Variants in KIF7 observed in about 807,000 individuals in gnomAD.
The protein encoded by KIF7 is kinesin-like protein KIF7.
KIF7 carries 104 observed loss-of-function variants against 135.7 expected under a neutral mutation model. The observed-to-expected ratio is 0.77, with a 90% CI of 0.65 to 0.90. The LOEUF (loss-of-function observed/expected upper bound fraction) is 0.90, where lower values mean the gene tolerates loss of function less well. Among genes scored for constraint, KIF7 ranks in the 40% least tolerant of loss-of-function variants. The pLI is 0.00. For synonymous variants in KIF7, 883 were observed against 809.4 expected (o/e 1.09, Z -1.54); for missense variants, 2,005 against 1,839.1 (o/e 1.09, Z -1.65).
chr15:89,649,066 G>A lies in KIF7; in HGVS notation c.831C>T (p.Ser277=). The change falls in exon 4 of 19, where the codon AGC becomes AGT. Residue 277 remains serine (S), a synonymous_variant. Transcript: ENST00000394412. ...ERLKESIQIN[S]SLLALGNVIS... ...TGACGTTGCCCAGCGCCAGGAGGCTGCTGTTGATCTGGATGCTCTCCTTGA... is the reference window on the plus strand; with the variant it reads ...TGACGTTGCCCAGCGCCAGGAGGCTACTGTTGATCTGGATGCTCTCCTTGA... 3 of 1,548,010 alleles carry A rather than the reference G, an allele frequency of 1.9e-6. No individual in the cohort carries two copies. Among genetic ancestry groups the A allele is most frequent in the Non-Finnish European group, 1.7e-6 (2 of 1,146,728 alleles).
At chr15:89,626,635 C>T (rs1337873564), downstream of KIF7, among the ~76,000 whole-genome samples, 1 of 152,048 alleles carries the variant, frequency 6.6e-6, no homozygotes, top group East Asian at 1.9e-4. Flanking sequence ...CCCTCAAGAC[C>T]ATGATATAAA....
At chr15:89,641,773 C>T (rs529219762) in intron 11 of KIF7, among the ~76,000 whole-genome samples, 16 of 152,134 alleles carry the variant, frequency 1.1e-4, no homozygotes, top group Non-Finnish European at 1.8e-4. Context: ...TGTACTCCAG[C>T]CTGGGCAACA....
At chr15:89,621,632 G>A in intron 1 of KIF7, 1 of 1,238,566 alleles carries the variant, frequency 8.1e-7, no homozygotes, top group East Asian at 2.5e-5. Flanking sequence ...GTCCATTAGG[G>A]AAGAGAAAGC....
intron 5 of KIF7, 43 bp downstream of exon 5, chr15:89,648,211 TC>T: frequency 6.9e-7 from 1 of 1,448,444 alleles, no homozygotes; most frequent in Non-Finnish European, 9.1e-7. Context: ...TCTCCACCAC[TC>T]CCCACTGCCC....
the KIF7 span, among the ~76,000 whole-genome samples, chr15:89,661,346 C>G: frequency 6.6e-6 from 1 of 152,030 alleles, no homozygotes; most frequent in African/African-American, 2.4e-5. Flanking sequence ...TCAAGGCATG[C>G]AAAACTCAAT....
At chr15:89,627,180 A>G, downstream of KIF7, 2 of 1,505,442 alleles carry the variant, frequency 1.3e-6, no homozygotes, top group African/African-American at 1.4e-5. Flanking sequence ...CTCTTTTGCC[A>G]TGGTCAGTGT....
rs750002097 is a variant in KIF7, at chr15:89,628,585, G to A, written c.3866C>T (p.Ser1289Phe). Reference protein sequence around the residue: ...RSSLCGEEQGSPEELRQREAA... With the variant: ...RSSLCGEEQGFPEELRQREAA... Reference sequence around the variant, plus strand: ...CTCCCGCTGCCTCAGTTCCTCGGGGGACCCCTGCTCCTCACCACACAGGCT... The same window carrying A: ...CTCCCGCTGCCTCAGTTCCTCGGGGAACCCCTGCTCCTCACCACACAGGCT... The change falls in exon 19 of 19, where the codon TCC (serine) becomes TTC (phenylalanine). Residue 1289 changes from serine to phenylalanine, a missense_variant. Ser to Phe is a radical substitution (Grantham distance 155, BLOSUM62 -2). Coordinates refer to ENST00000394412, the MANE Select transcript of KIF7 (RefSeq NM_198525.3). 2.5e-6 allele frequency: 4 copies of A among 1,613,510 alleles called. No individual in the cohort carries two copies. In the Admixed American group the frequency reaches 5.0e-5, roughly 20 times the overall value.
chr15:89,633,260 C>A lies in KIF7; in HGVS notation c.2599G>T (p.Glu867Ter), dbSNP rs1328669185. 1 of 1,569,188 alleles carries A rather than the reference C, an allele frequency of 6.4e-7. No homozygotes were observed. The highest frequency in any genetic ancestry group is 1.2e-5 in the South Asian group (1 of 86,076). The change falls in exon 13 of 19, where the codon GAG (glutamate) becomes TAG (stop). Residue 867 changes from glutamate (E) to a stop codon, truncating the protein, a stop_gained. Coordinates refer to ENST00000394412, the MANE Select transcript of KIF7 (RefSeq NM_198525.3). LOFTEE classifies it high-confidence loss of function. Reference sequence around the variant, plus strand: ...TTCTGCTGTTGCTCATGCTTCAGCTCCAGCTCCTGGGTGAGGAGCTCAGTG... The same window carrying A: ...TTCTGCTGTTGCTCATGCTTCAGCTACAGCTCCTGGGTGAGGAGCTCAGTG... ...SKRQHRVKEL[E>*]LKHEQQQKIL...
chr15:89,659,056 C>T (rs1310014702), upstream of KIF7, among the ~76,000 whole-genome samples: 1 of 151,784 alleles, frequency 6.6e-6, no homozygotes, highest in African/African-American at 2.4e-5. Flanking sequence ...CTGCAAACCA[C>T]GAAGGGAAAG....
chr15:89,625,727 C>A, downstream of KIF7: 1 of 1,613,214 alleles, frequency 6.2e-7, no homozygotes, highest in South Asian at 1.1e-5. Context: ...AAAGAGGGGT[C>A]TCCAAGTTGG....
rs1249777535 is a variant in KIF7, at chr15:89,648,241, T to C, written c.1443+14A>G. ...ACTGCCCACAACCACAACCACAACC[T>C]GTCCCTCGGCCACCTTTCGCCCGCC... On this transcript the variant is annotated intron_variant, in intron 5 of 18. Coordinates refer to ENST00000394412, the MANE Select transcript of KIF7 (RefSeq NM_198525.3). 3.3e-6 allele frequency: 5 copies of C among 1,505,514 alleles called. No individual in the cohort carries two copies. The highest frequency in any genetic ancestry group is 1.4e-5 in the African/African-American group (1 of 71,762). 93.3% of individuals were successfully genotyped at this position (1,505,514 alleles called of 1,614,324 possible). A position where few individuals can be genotyped will look rare whatever the true frequency, so the allele number is the denominator to read the frequency against.
chr15:89,635,355 G>A (rs1421833858), intron 11 of KIF7, among the ~76,000 whole-genome samples: 1 of 152,234 alleles, frequency 6.6e-6, no homozygotes, highest in African/African-American at 2.4e-5. Context: ...GAGAGAAGAA[G>A]GCTTCAGATG....
At position 89,642,318 on chromosome 15, in the gene KIF7, C is replaced by T. The variant is rs1963938008; in HGVS notation, c.2279G>A (p.Ser760Asn). The change falls in exon 11 of 19, where the codon AGT (serine) becomes AAT (asparagine). Residue 760 changes from serine to asparagine, a missense_variant. Ser to Asn is a conservative substitution (Grantham distance 46). Transcript: ENST00000394412. ...CTCCCGCAGCTGCCTCTGGCCTTCA[C>T]TCAGCTCGGCCCGCACCTGCTCTGC... is the stretch of plus-strand genomic sequence containing the variant. The part of the protein sequence containing the change: ...QEAEQVRAEL[S>N]EGQRQLRELE... 1 of 1,611,126 alleles carries T rather than the reference C, an allele frequency of 6.2e-7. No individual in the cohort carries two copies. The highest frequency in any genetic ancestry group is 1.1e-5 in the South Asian group (1 of 90,756).
chr15:89,658,446 C>CAG (rs142155148), upstream of KIF7, among the ~76,000 whole-genome samples: 282 of 144,278 alleles, frequency 2.0e-3, 1 homozygote, highest in African/African-American at 5.9e-3. Context: ...ACCCCATCTC[C>CAG]AGAGAGAGAG....
intron 2 of KIF7, 126 bp from the exon 3 acceptor site, chr15:89,650,067 C>T (rs986193553): frequency 5.0e-6 from 5 of 991,088 alleles, no homozygotes; most frequent in Middle Eastern, 2.5e-4. Flanking sequence ...AGGCAGTGGC[C>T]GAGGCCAGGA....
intron 16 of KIF7, 104 bp from the exon 17 acceptor site, chr15:89,629,677 A>G: frequency 6.8e-7 from 1 of 1,477,824 alleles, no homozygotes; most frequent in Non-Finnish European, 9.2e-7. Context: ...CCACGGCACT[A>G]AGAAATCACC....
chr15:89,648,179 G>C, intron 5 of KIF7, 76 bp downstream of exon 5: 1 of 1,385,050 alleles, frequency 7.2e-7, no homozygotes, highest in Non-Finnish European at 9.4e-7. Context: ...CGCAGCTGCT[G>C]TCTGAAGACC....
In KIF7 at chr15:89,649,517, G is replaced by C. The variant is rs553191748; in HGVS notation, c.530-150C>G. The C allele has an allele frequency of 6.1e-5, 64 of 1,053,854 alleles. No individual in the cohort carries two copies. The East Asian group carries it at 1.6e-3, about 27-fold the overall frequency. 65.3% of individuals were successfully genotyped at this position (1,053,854 alleles called of 1,614,324 possible). ...ACGGGGTACTGCCCTTCCTAGTTCC[G>C]GCTTGAGGGGCTCCGGCTTCCCACT... On this transcript the variant is annotated intron_variant, in intron 3 of 18. Transcript: ENST00000394412.
At chr15:89,633,362 T>TC (rs1004234279) in intron 12 of KIF7, 96 bp from the exon 13 acceptor site, 57 of 1,481,204 alleles carry the variant, frequency 3.8e-5, no homozygotes, top group Non-Finnish European at 5.2e-5. Flanking sequence ...GCCTGCCCAC[T>TC]CCCAAGAGGG....
Sources: gnomAD v4.1 joint callset for allele counts (sites outside exome capture counted in the v4.1 genomes callset) on GRCh38, gnomAD v4.1.1 for gene constraint, MANE v1.5 for transcripts, NCBI Gene and HGNC (gene_info 2026-07-23, HGNC 2026-07-21) for gene names.